VCAN: variants seen among roughly 807,000 people sequenced by gnomAD.
The protein encoded by VCAN is versican, also known as versican core protein.
A neutral mutation model predicts 245.5 loss-of-function variants in VCAN; 44 were observed. The observed-to-expected ratio is 0.18, with a 90% confidence interval of 0.14 to 0.23. The LOEUF (loss-of-function observed/expected upper bound fraction) is 0.23, where lower values mean the gene tolerates loss of function less well. Among genes scored for constraint, VCAN ranks in the 10% least tolerant of loss-of-function variants. The probability of loss-of-function intolerance (pLI) is 1.00; values close to 1 mark genes in which losing one functional copy is unlikely to be tolerated. For missense variants in VCAN, 3,793 were observed against 4,057.9 expected (o/e 0.93, Z 1.77); for synonymous variants, 1,413 against 1,437.0 (o/e 0.98, Z 0.38).
At position 83,521,629 on chromosome 5, in the gene VCAN, C is replaced by T; in HGVS notation, c.3323C>T (p.Ala1108Val). 6 of 1,613,866 alleles carry T rather than the reference C, an allele frequency of 3.7e-6. No individual in the cohort carries two copies. Among genetic ancestry groups the T allele is most frequent in the Non-Finnish European group, 5.1e-6 (6 of 1,180,018 alleles). Reference sequence around the variant, plus strand: ...CACAGTGTGTCTTATCCACCAGGTGCTGTAACTGAGCACAAAGTGAAAACA... The same window carrying T: ...CACAGTGTGTCTTATCCACCAGGTGTTGTAACTGAGCACAAAGTGAAAACA... ...IDHSVSYPPG[A>V]VTEHKVKTDE... The change falls in exon 7 of 15, where the codon GCT (alanine) becomes GTT (valine). Residue 1108 changes from alanine to valine, a missense_variant. By Grantham distance (64) the Ala-to-Val change is moderately conservative (BLOSUM62 0). Transcript: ENST00000265077.
At chr5:83,482,833 G>T (rs884570) in intron 1 of VCAN, among the ~76,000 whole-genome samples, 105,718 of 152,098 alleles carry the variant, frequency 0.7, 36,937 homozygotes, top group Middle Eastern at 0.81. Context: ...CTCTTGAGAC[G>T]TTAGAACTGT....
rs577426711 is a variant in VCAN at position 83,494,541 on chromosome 5, G to A, written c.748+610G>A. ...AAGATATAGCCCTTCCTTTCAAGTC[G>A]CTTACAGTCTGATTTCAGCACTGTC... On this transcript the variant is annotated intron_variant, in intron 5 of 14. Transcript: ENST00000265077. 9.2e-5 allele frequency among the ~76,000 whole-genome samples: 14 copies of A among 152,260 alleles called. No individual in the cohort carries two copies. In the South Asian group the frequency reaches 1.2e-3, roughly 14 times the overall value.
intron 7 of VCAN, 34 bp downstream of exon 7, chr5:83,522,343 C>T: frequency 6.3e-7 from 1 of 1,593,084 alleles, no homozygotes; most frequent in East Asian, 2.2e-5. Context: ...GCATTGAAGG[C>T]AATCCTCATT....
rs1349401685 is a variant in VCAN at position 83,520,051 on chromosome 5, T to G, written c.1745T>G (p.Val582Gly). ...GACCAAATTCCTGAAGTCATTACGG[T>G]GTCAAAGACTTCAGAAGACACCATC... ...IFDQIPEVIT[V>G]SKTSEDTIHT... Residue 582 changes from valine (V) to glycine (G), a missense_variant, in exon 7 of 15, where the codon GTG becomes GGG. Coordinates refer to ENST00000265077, the MANE Select transcript of VCAN (RefSeq NM_004385.5). 7 of 1,614,120 alleles carry G rather than the reference T, an allele frequency of 4.3e-6. No individual in the cohort carries two copies. Among genetic ancestry groups the G allele is most frequent in the Non-Finnish European group, 5.9e-6 (7 of 1,179,974 alleles).
intron 13 of VCAN, among the ~76,000 whole-genome samples, chr5:83,573,782 G>A (rs73148669): frequency 6.2e-4 from 94 of 152,140 alleles, no homozygotes; most frequent in African/African-American, 2.2e-3. Context: ...GCTTTATAAC[G>A]GTGGTCATCT....
rs2112439328 is a variant in VCAN, at chr5:83,537,147, G to A, written c.4144G>A (p.Asp1382Asn). Residue 1382 changes from aspartate to asparagine, a missense_variant, in exon 8 of 15, where the codon GAC becomes AAC. Asp to Asn is a conservative substitution (Grantham distance 23, BLOSUM62 1). This residue lies in a region of VCAN where 3,182 missense variants were observed against 3,250.3 expected (regional missense o/e 0.98). Transcript: ENST00000265077. ...TGAATTCCCTGACATAATTGAAATA[G>A]ACCTATACCACAGTGAAGAAAATGA... Reference protein sequence around the residue: ...LPEFPDIIEIDLYHSEENEEE... With the variant: ...LPEFPDIIEINLYHSEENEEE... 1.9e-6 allele frequency: 3 copies of A among 1,613,788 alleles called. No homozygotes were observed. In the Admixed American group the frequency reaches 5.0e-5, roughly 27 times the overall value.
chr5:83,573,187 C>A (rs1428450240), intron 13 of VCAN, among the ~76,000 whole-genome samples: 1 of 152,066 alleles, frequency 6.6e-6, no homozygotes, highest in Non-Finnish European at 1.5e-5. Context: ...CTTGAGCCAC[C>A]GCTCCTGACC....
At chr5:83,472,691 G>C (rs1435161658) in intron 1 of VCAN, among the ~76,000 whole-genome samples, 2 of 152,144 alleles carry the variant, frequency 1.3e-5, no homozygotes. Context: ...TTGACGACTT[G>C]GGGACTGTCA....
At chr5:83,485,958 G>A (rs186449648) in intron 2 of VCAN, among the ~76,000 whole-genome samples, 29 of 152,018 alleles carry the variant, frequency 1.9e-4, no homozygotes, top group African/African-American at 6.0e-4. Flanking sequence ...AAAATTAGCC[G>A]GGGGTGGTGG....
chr5:83,500,183 T>C (rs1184907808), intron 5 of VCAN, among the ~76,000 whole-genome samples: 1 of 152,214 alleles, frequency 6.6e-6, no homozygotes, highest in Non-Finnish European at 1.5e-5. Flanking sequence ...ACATATCAGC[T>C]TGAAGAGCCT....
chr5:83,553,277 C>T, intron 10 of VCAN, 87 bp from the exon 11 acceptor site: 1 of 1,553,444 alleles, frequency 6.4e-7, no homozygotes, highest in Non-Finnish European at 8.8e-7. Flanking sequence ...CAGATACTGG[C>T]TTGGGTATCC....
chr5:83,499,386 T>C (rs779128802), intron 5 of VCAN, among the ~76,000 whole-genome samples: 2 of 152,206 alleles, frequency 1.3e-5, no homozygotes, highest in Non-Finnish European at 2.9e-5. Flanking sequence ...TGCAGACACG[T>C]AATAGTTATC....
chr5:83,475,824 A>G (rs1050924835), intron 1 of VCAN, among the ~76,000 whole-genome samples: 10 of 152,324 alleles, frequency 6.6e-5, no homozygotes, highest in South Asian at 2.1e-4. Context: ...ATTCAAGACA[A>G]TCATTTAGGA....
rs866107122 is a variant in VCAN at position 83,573,752 on chromosome 5, G to T, written c.9880+1192G>T. On this transcript the variant is annotated intron_variant, in intron 13 of 14. Transcript: ENST00000265077. ...AAAATGTATGAATGCACATCACTCT[G>T]GTTGTAATTGTGTGCACCAGCTTTA... Among the ~76,000 whole-genome samples, 20 of 152,130 alleles carry T rather than the reference G, an allele frequency of 1.3e-4. No homozygotes were observed. In the Middle Eastern group the frequency reaches 0.01, roughly 78 times the overall value.
intron 13 of VCAN, among the ~76,000 whole-genome samples, chr5:83,574,864 A>G (rs2112503183): frequency 6.6e-6 from 1 of 152,330 alleles, no homozygotes; most frequent in East Asian, 1.9e-4. Context: ...ATTAAACAAG[A>G]AATATTTTAA....
Position 83,540,571 on chromosome 5 carries a change from G to C in VCAN, c.7568G>C (p.Arg2523Pro). 6.2e-7 allele frequency: 1 copy of C among 1,613,876 alleles called. No individual in the cohort carries two copies. Among genetic ancestry groups the C allele is most frequent in the Non-Finnish European group, 8.5e-7 (1 of 1,179,930 alleles). Residue 2523 changes from arginine to proline, a missense_variant, in exon 8 of 15, where the codon CGT (arginine) becomes CCT (proline). By Grantham distance (103) the Arg-to-Pro change is moderately radical (BLOSUM62 -2). Coordinates refer to ENST00000265077, the MANE Select transcript of VCAN (RefSeq NM_004385.5). ...TCCACAGACGGTAGTTTCCAAGACC[G>C]TTTCAGGGAATTCGAGGATTCCACC... ...ERSTDGSFQD[R>P]FREFEDSTLK...
intron 10 of VCAN, among the ~76,000 whole-genome samples, chr5:83,552,050 G>C (rs540346367): frequency 2.6e-5 from 4 of 152,278 alleles, no homozygotes; most frequent in South Asian, 2.1e-4. Context: ...TAAACAACAG[G>C]CCTGATAGAC....
Position 83,491,538 on chromosome 5 carries a change from T to C in VCAN, c.445+1066T>C, listed in dbSNP as rs541738212. Among the ~76,000 whole-genome samples the C allele has an allele frequency of 2.6e-5, 4 of 152,310 alleles. No individual in the cohort carries two copies. The South Asian group carries it at 6.2e-4, about 24-fold the overall frequency. On this transcript the variant is annotated intron_variant, in intron 3 of 14. Coordinates refer to ENST00000265077, the MANE Select transcript of VCAN (RefSeq NM_004385.5). ...TGGGTTCTTCTAACCTTTTTATCAT[T>C]ATTTTTGTTAGCCTCACTACTGTGA...
chr5:83,574,925 G>A lies in VCAN; in HGVS notation c.9880+2365G>A, dbSNP rs150645535. ...TATCATTGGCCAATTTCTAAAGCACGCTGTACAGACTTTTTCCCTAAACAA... is the reference window on the plus strand; with the variant it reads ...TATCATTGGCCAATTTCTAAAGCACACTGTACAGACTTTTTCCCTAAACAA... On this transcript the variant is annotated intron_variant, in intron 13 of 14. Coordinates refer to ENST00000265077, the MANE Select transcript of VCAN (RefSeq NM_004385.5). Among the ~76,000 whole-genome samples, 376 of 152,192 alleles carry A rather than the reference G, an allele frequency of 2.5e-3. 2 individuals carry two copies. Among genetic ancestry groups the A allele is most frequent in the African/African-American group, 7.9e-3 (329 of 41,528 alleles).
Sources: gnomAD v4.1 joint callset for allele counts (sites outside exome capture counted in the v4.1 genomes callset) on GRCh38, gnomAD v4.1.1 for gene constraint, gnomAD v4.1.1 regional missense constraint, MANE v1.5 for transcripts, NCBI Gene and HGNC (gene_info 2026-07-23, HGNC 2026-07-21) for gene names.